The following PXDNL variants were observed in gnomAD, a reference collection of about 807,000 sequenced individuals.
PXDNL encodes the protein probable oxidoreductase PXDNL.
PXDNL carries 145 observed loss-of-function variants against 150.8 expected under a neutral mutation model. That is an observed-to-expected ratio of 0.96 (90% CI 0.84 to 1.10). The LOEUF is 1.10. Ranked by LOEUF, PXDNL falls within the 50% of genes least tolerant of loss-of-function variation. The probability of loss-of-function intolerance (pLI) is 0.00; values close to 1 mark genes in which losing one functional copy is unlikely to be tolerated. For missense variants in PXDNL, 2,087 were observed against 1,873.9 expected, an observed-to-expected ratio of 1.11 and a Z score of -2.10; for synonymous variants, 757 against 725.7, an observed-to-expected ratio of 1.04 and a Z score of -0.69.
At chr8:51,448,821 G>C (rs1419802565) in intron 11 of PXDNL, among the ~76,000 whole-genome samples, 181 bp downstream of exon 11, 1 of 152,148 alleles carries the variant, frequency 6.6e-6, no homozygotes, top group Non-Finnish European at 1.5e-5. Context: ...ACACTCAAAT[G>C]CCAAAACTCA....
At chr8:51,737,441 C>A (rs1455475745) in intron 1 of PXDNL, among the ~76,000 whole-genome samples, 1 of 152,250 alleles carries the variant, frequency 6.6e-6, no homozygotes, top group Non-Finnish European at 1.5e-5. Flanking sequence ...CATTCAGGTG[C>A]AGCCTGGTAC....
chr8:51,783,346 G>A (rs1160306460), intron 1 of PXDNL, among the ~76,000 whole-genome samples: 1 of 152,208 alleles, frequency 6.6e-6, no homozygotes, highest in African/African-American at 2.4e-5. Context: ...TTCTGCTGCT[G>A]AGTCGAATAA....
At chr8:51,359,701 G>A (rs1806650468) in intron 19 of PXDNL, among the ~76,000 whole-genome samples, 1 of 152,124 alleles carries the variant, frequency 6.6e-6, no homozygotes, top group African/African-American at 2.4e-5. Flanking sequence ...GATAAGGAAA[G>A]TTACATCTAA....
At chr8:51,537,988 T>C (rs1812122187) in intron 4 of PXDNL, among the ~76,000 whole-genome samples, 1 of 152,186 alleles carries the variant, frequency 6.6e-6, no homozygotes, top group Non-Finnish European at 1.5e-5. Context: ...ATAGAGAATA[T>C]TGTATTACTA....
chr8:51,635,173 A>T (rs1006785600), intron 2 of PXDNL, among the ~76,000 whole-genome samples: 3 of 152,106 alleles, frequency 2.0e-5, no homozygotes, highest in Non-Finnish European at 4.4e-5. Flanking sequence ...AAAAATACTT[A>T]GGACAAACGA....
intron 3 of PXDNL, among the ~76,000 whole-genome samples, chr8:51,559,269 C>A (rs1812663050): frequency 6.6e-6 from 1 of 150,786 alleles, no homozygotes; most frequent in South Asian, 2.1e-4. Flanking sequence ...GGTCAGAGAG[C>A]AGCTGATCTC....
At chr8:51,481,071 T>C (rs555414804) in intron 6 of PXDNL, among the ~76,000 whole-genome samples, 22 of 152,198 alleles carry the variant, frequency 1.4e-4, no homozygotes, top group South Asian at 1.0e-3. Flanking sequence ...CAGAAGCAGA[T>C]AGAAAAATGT....
intron 18 of PXDNL, among the ~76,000 whole-genome samples, chr8:51,372,708 G>A (rs1807163333): frequency 2.0e-5 from 3 of 152,176 alleles, no homozygotes; most frequent in Admixed American, 6.5e-5. Context: ...TAAATTCCAT[G>A]AACTAACCTT....
intron 3 of PXDNL, among the ~76,000 whole-genome samples, chr8:51,587,276 C>T (rs1414608337): frequency 6.6e-6 from 1 of 152,126 alleles, no homozygotes; most frequent in Non-Finnish European, 1.5e-5. Context: ...TAAGTGTCTG[C>T]TAAACCAAAG....
intron 5 of PXDNL, among the ~76,000 whole-genome samples, chr8:51,486,827 G>T (rs1301480757): frequency 2.7e-5 from 2 of 74,826 alleles, no homozygotes; most frequent in East Asian, 6.3e-4. Context: ...TTTTTGAGAC[G>T]GAGTCTCACT....
chr8:51,670,194 T>G (rs952285811), intron 1 of PXDNL, among the ~76,000 whole-genome samples: 1 of 151,982 alleles, frequency 6.6e-6, no homozygotes, highest in African/African-American at 2.4e-5. Context: ...GCCAAGATCA[T>G]GCTTGCACTC....
chr8:51,495,830 C>G lies in PXDNL; in HGVS notation c.452+3869G>C, dbSNP rs191851972. ...AAAAGGCCAGGACCAGAAGGAGTCA[C>G]AGCCAAATTCTACCAGAGGTACCAG... On this transcript the variant is annotated intron_variant, in intron 5 of 22. Transcript: ENST00000356297. Among the ~76,000 whole-genome samples, 222 of 152,268 alleles carry G rather than the reference C, an allele frequency of 1.5e-3. 4 individuals carry two copies. Among genetic ancestry groups the G allele is most frequent in the African/African-American group, 5.1e-3 (211 of 41,534 alleles).
chr8:51,582,016 T>C (rs1228987085), intron 3 of PXDNL, among the ~76,000 whole-genome samples: 1 of 150,756 alleles, frequency 6.6e-6, no homozygotes, highest in Non-Finnish European at 1.5e-5. Context: ...TACAAAATGA[T>C]ATAATTTTTT....
chr8:51,550,027 A>T (rs528469022), intron 4 of PXDNL, among the ~76,000 whole-genome samples: 3 of 152,300 alleles, frequency 2.0e-5, no homozygotes, highest in African/African-American at 7.2e-5. Flanking sequence ...AGAAATACAA[A>T]ATATCACTTG....
chr8:51,574,294 C>A (rs1813006493), intron 3 of PXDNL, among the ~76,000 whole-genome samples: 1 of 151,856 alleles, frequency 6.6e-6, no homozygotes, highest in Non-Finnish European at 1.5e-5. Context: ...ATGTATGGGT[C>A]AGTGGCAGGA....
intron 5 of PXDNL, among the ~76,000 whole-genome samples, chr8:51,492,644 C>A (rs544352403): frequency 2.3e-4 from 35 of 152,330 alleles, no homozygotes; most frequent in Admixed American, 1.4e-3. Context: ...TATCCCGCAC[C>A]TGGCTCGGAG....
At chr8:51,646,519 A>C (rs1321088687) in intron 2 of PXDNL, among the ~76,000 whole-genome samples, 1 of 152,220 alleles carries the variant, frequency 6.6e-6, no homozygotes, top group Non-Finnish European at 1.5e-5. Flanking sequence ...CAAAACAAGC[A>C]CTGAAGAATA....
chr8:51,589,515 C>CATATTTTACTACTAAAT (rs1813395421), intron 3 of PXDNL, among the ~76,000 whole-genome samples: 1 of 152,102 alleles, frequency 6.6e-6, no homozygotes, highest in African/African-American at 2.4e-5. Context: ...GAAATATGGA[C>CATATTTTACTACTAAAT]AGTAAAAGCC....
chr8:51,705,993 T>G (rs1816370282), intron 1 of PXDNL, among the ~76,000 whole-genome samples: 1 of 152,230 alleles, frequency 6.6e-6, no homozygotes, highest in East Asian at 1.9e-4. Flanking sequence ...TTTCCAAAAC[T>G]GACAGAAGGC....
Sources: allele counts gnomAD v4.1 joint callset (sites outside exome capture counted in the v4.1 genomes callset), GRCh38; gene constraint gnomAD v4.1.1; transcripts MANE v1.5; gene names NCBI Gene and HGNC (gene_info 2026-07-23, HGNC 2026-07-21).